The following TRIP13 variants were observed in gnomAD, a reference collection of about 807,000 sequenced individuals.
TRIP13 encodes the protein thyroid hormone receptor interactor 13.
A neutral mutation model predicts 54.4 loss-of-function variants in TRIP13; 25 were observed. The ratio of observed to expected loss-of-function variants is 0.46; its 90% CI spans 0.33 to 0.64. TRIP13 has a LOEUF of 0.64. Among genes scored for constraint, TRIP13 ranks in the 30% least tolerant of loss-of-function variants. The pLI is 0.02. For synonymous variants in TRIP13, 207 were observed against 207.8 expected (o/e 1.00, Z 0.03); for missense variants, 373 against 534.2 (o/e 0.70, Z 2.97).
intron 3 of TRIP13, 59 bp from the exon 4 acceptor site, chr5:900,434 TG>T: frequency 6.4e-7 from 1 of 1,563,134 alleles, no homozygotes; most frequent in Non-Finnish European, 8.8e-7. Context: ...GGAGACTGAC[TG>T]GGGGTGGCTG....
In TRIP13 at chr5:911,977, G is replaced by A; in HGVS notation, c.1001G>A (p.Cys334Tyr). The A allele has an allele frequency of 6.2e-7, 1 of 1,610,178 alleles. No homozygotes were observed. The highest frequency in any genetic ancestry group is 8.5e-7 in the Non-Finnish European group (1 of 1,178,970). The stretch of plus-strand genomic sequence containing the variant: ...GCCATCTTCAAAATCTACCTCTCTT[G>A]TTTGGAAGAACTGATGAAGGTACCT... ...AAAIFKIYLS[C>Y]LEELMKCQII... The change falls in exon 10 of 13, where the codon TGT (cysteine) becomes TAT (tyrosine). Residue 334 changes from cysteine to tyrosine, a missense_variant. By Grantham distance (194) the Cys-to-Tyr change is radical (BLOSUM62 -2). Around this residue, in one of 4 missense-constraint regions of TRIP13, gnomAD observed 101 missense variants for 138.5 expected, o/e 0.73. Coordinates refer to ENST00000166345, the MANE Select transcript of TRIP13 (RefSeq NM_004237.4). This position sits in a 1 kb window ranked among gnomAD's most constrained non-coding sequence, Gnocchi z 4.7.
At chr5:896,006 A>G (rs911184853) in intron 2 of TRIP13, among the ~76,000 whole-genome samples, 2 of 152,230 alleles carry the variant, frequency 1.3e-5, no homozygotes, top group Non-Finnish European at 2.9e-5. Context: ...TTAATAACAA[A>G]TGTAAAAAGA....
At chr5:894,290 G>A (rs956107321) in intron 1 of TRIP13, among the ~76,000 whole-genome samples, 1 of 152,128 alleles carries the variant, frequency 6.6e-6, no homozygotes, top group Admixed American at 6.5e-5. Flanking sequence ...TTGTAGAAAG[G>A]GGAGGTGTTA....
chr5:894,485 A>G (rs995782548), intron 1 of TRIP13, among the ~76,000 whole-genome samples: 6 of 152,242 alleles, frequency 3.9e-5, no homozygotes, highest in African/African-American at 1.4e-4. Context: ...ACTATGTGCC[A>G]GGTATCGTCC....
chr5:896,892 G>C, intron 3 of TRIP13, 98 bp downstream of exon 3: 1 of 1,366,520 alleles, frequency 7.3e-7, no homozygotes, highest in Non-Finnish European at 9.8e-7. Flanking sequence ...TTGTCCATTT[G>C]TTTTGTAGGA....
intron 11 of TRIP13, 45 bp downstream of exon 11, chr5:914,622 G>A: frequency 1.3e-6 from 2 of 1,489,130 alleles, no homozygotes; most frequent in Non-Finnish European, 9.3e-7. Context: ...ATCCATTTGT[G>A]ATATTAACTA....
Position 895,797 on chromosome 5 carries a change from A to G in TRIP13, c.258+845A>G, listed in dbSNP as rs1164723126. On this transcript the variant is annotated intron_variant, in intron 2 of 12. Transcript: ENST00000166345. ...CTTGTAGGAATTTATCGTAGCTGAT[A>G]ATCATGCAATTTTGTAGATCTTTCT... 2.0e-5 allele frequency among the ~76,000 whole-genome samples: 3 copies of G among 152,250 alleles called. No individual in the cohort carries two copies. The East Asian group carries it at 5.8e-4, about 29-fold the overall frequency.
At position 900,558 on chromosome 5, in the gene TRIP13, C is replaced by G; in HGVS notation, c.444+9C>G. 1.9e-6 allele frequency: 3 copies of G among 1,610,634 alleles called. No individual in the cohort carries two copies. In the South Asian group the frequency reaches 3.3e-5, roughly 18 times the overall value. ...TGGAAGTCAAATCCCATGTAAGTTG[C>G]TGTGCCTTTTCCCAGAATGCCCTGT... On this transcript the variant is annotated intron_variant, in intron 4 of 12. Coordinates refer to ENST00000166345, the MANE Select transcript of TRIP13 (RefSeq NM_004237.4).
rs531438877 is a variant in TRIP13, at chr5:905,605, A to AGGGTCCCTGGTCTTCCGACTCAG, written c.608+1387_608+1409dup. On this transcript the variant is annotated intron_variant, in intron 6 of 12. Coordinates refer to ENST00000166345, the MANE Select transcript of TRIP13 (RefSeq NM_004237.4). ...CAAGAAAGTTAGAGCATTTGTAGAG[A>AGGGTCCCTGGTCTTCCGACTCAG]GGGTCCCTGGTCTTCCGACTCAGGA... Among the ~76,000 whole-genome samples, 489 of 152,222 alleles carry AGGGTCCCTGGTCTTCCGACTCAG rather than the reference A, an allele frequency of 3.2e-3. 3 individuals carry two copies. The highest frequency in any genetic ancestry group is 0.01 in the Middle Eastern group (3 of 294).
In TRIP13 at chr5:911,036, C is replaced by G. The variant is rs1195430262; in HGVS notation, c.867-807C>G. 6.6e-6 allele frequency among the ~76,000 whole-genome samples: 1 copy of G among 152,272 alleles called. No homozygotes were observed. Among genetic ancestry groups the G allele is most frequent in the Admixed American group, 6.5e-5 (1 of 15,294 alleles). ...CCCCCAGGCCTGTGCAGCATGCTCC[C>G]TGGGGGCACCTTGTGCCCGCTCTGC... is the stretch of plus-strand genomic sequence containing the variant. On this transcript the variant is annotated intron_variant, in intron 9 of 12. Transcript: ENST00000166345. The surrounding 1 kb of genome is among the most constrained non-coding windows in gnomAD (Gnocchi z 4.7).
chr5:900,344 G>T (rs1011316386), intron 3 of TRIP13, 150 bp from the exon 4 acceptor site: 7 of 699,410 alleles, frequency 1.0e-5, no homozygotes, highest in African/African-American at 1.9e-5. Flanking sequence ...AGAAAAATTT[G>T]CAGAATTTAT....
chr5:895,019 T>G (rs1560943304), intron 2 of TRIP13, 67 bp downstream of exon 2: 3 of 1,505,024 alleles, frequency 2.0e-6, no homozygotes, highest in South Asian at 2.6e-5. Context: ...CATGAATGTC[T>G]TGCCGTTTTC....
intron 5 of TRIP13, among the ~76,000 whole-genome samples, chr5:902,564 G>A (rs1347061833): frequency 6.6e-6 from 1 of 152,142 alleles, no homozygotes; most frequent in African/African-American, 2.4e-5. Flanking sequence ...TGGTCACCTC[G>A]CAGCTTCTGT....
rs1164916034 is a variant in TRIP13, at chr5:894,950, C to A, written c.256C>A (p.Gln86Lys). ...CACAGAATTAAAGGTTAAAGACTCACAGGTAAGTTACTAATTTGCTGGGCC... is the reference window on the plus strand; with the variant it reads ...CACAGAATTAAAGGTTAAAGACTCAAAGGTAAGTTACTAATTTGCTGGGCC... The part of the protein sequence containing the change: ...IDTELKVKDS[Q>K]PIDLSACTVA... Residue 86 changes from glutamine to lysine, a missense_variant and splice_region_variant, in exon 2 of 13, where the codon CAG becomes AAG. Physicochemically the swap from Gln to Lys is moderately conservative, Grantham distance 53 (BLOSUM62 1). Around this residue, in one of 4 missense-constraint regions of TRIP13, gnomAD observed 151 missense variants for 151.9 expected, o/e 0.99. Transcript: ENST00000166345. 6.2e-7 allele frequency: 1 copy of A among 1,602,342 alleles called. No homozygotes were observed. Among genetic ancestry groups the A allele is most frequent in the African/African-American group, 1.3e-5 (1 of 74,286 alleles).
Position 907,369 on chromosome 5 carries a change from C to A in TRIP13, c.672+176C>A, listed in dbSNP as rs1186799503. ...CGGAGCTGGGGCCCTTGGGGACCCT[C>A]CCTTGGTTCTCCCCAGACCTGTGAC... On this transcript the variant is annotated intron_variant, in intron 7 of 12. Transcript: ENST00000166345. The surrounding 1 kb of genome is among the most constrained non-coding windows in gnomAD (Gnocchi z 4.1). Among the ~76,000 whole-genome samples, 1 of 152,186 alleles carries A rather than the reference C, an allele frequency of 6.6e-6. No individual in the cohort carries two copies. The highest frequency in any genetic ancestry group is 1.5e-5 in the Non-Finnish European group (1 of 68,032).
intron 2 of TRIP13, among the ~76,000 whole-genome samples, chr5:895,363 G>A (rs1753891800): frequency 6.6e-6 from 1 of 152,132 alleles, no homozygotes; most frequent in Non-Finnish European, 1.5e-5. Flanking sequence ...CTCATCCCAT[G>A]CATGGCCACC....
At position 909,661 on chromosome 5, in the gene TRIP13, G is replaced by A. The variant is rs140183273; in HGVS notation, c.866+1200G>A. Among the ~76,000 whole-genome samples the A allele has an allele frequency of 4.6e-3, 708 of 152,358 alleles. 5 individuals carry two copies. Among genetic ancestry groups the A allele is most frequent in the African/African-American group, 0.017 (688 of 41,580 alleles). The stretch of plus-strand genomic sequence containing the variant: ...GGTCGCACAGCCTTCAGAGCTGAGA[G>A]CCCCGAACAGAGGTTTACCCACGTA... On this transcript the variant is annotated intron_variant, in intron 9 of 12. Coordinates refer to ENST00000166345, the MANE Select transcript of TRIP13 (RefSeq NM_004237.4).
In TRIP13 at chr5:908,266, T is replaced by C; in HGVS notation, c.760-89T>C. On this transcript the variant is annotated intron_variant, in intron 8 of 12. Transcript: ENST00000166345. The surrounding 1 kb of genome is among the most constrained non-coding windows in gnomAD (Gnocchi z 5.2). The stretch of plus-strand genomic sequence containing the variant: ...CACGGGAACACCCATTCATTCATCT[T>C]TTTCACGTGCTCAGCGGGACGTATC... 6.6e-7 allele frequency: 1 copy of C among 1,505,672 alleles called. No individual in the cohort carries two copies. Among genetic ancestry groups the C allele is most frequent in the African/African-American group, 1.4e-5 (1 of 72,968 alleles). 93.3% of individuals were successfully genotyped at this position (1,505,672 alleles called of 1,614,324 possible). A position where few individuals can be genotyped will look rare whatever the true frequency, so the allele number is the denominator to read the frequency against.
At chr5:902,996 G>A (rs1386863631) in intron 5 of TRIP13, among the ~76,000 whole-genome samples, 1 of 152,196 alleles carries the variant, frequency 6.6e-6, no homozygotes, top group African/African-American at 2.4e-5. Flanking sequence ...TGTACAGGAT[G>A]GAACATGAAG....
Sources: allele counts gnomAD v4.1 joint callset (sites outside exome capture counted in the v4.1 genomes callset), GRCh38; gene constraint gnomAD v4.1.1; regional missense constraint gnomAD v4.1.1; non-coding constraint Gnocchi (gnomAD v3.1); transcripts MANE v1.5; gene names NCBI Gene and HGNC (gene_info 2026-07-23, HGNC 2026-07-21).